ZNF512: variants seen among roughly 807,000 people sequenced by gnomAD.
ZNF512 encodes zinc finger protein 512.
ZNF512 carries 25 observed loss-of-function variants against 77.5 expected under a neutral mutation model. That is an observed-to-expected ratio of 0.32 (90% CI 0.23 to 0.45). The LOEUF (loss-of-function observed/expected upper bound fraction) is 0.45. Among genes scored for constraint, ZNF512 ranks in the 20% least tolerant of loss-of-function variants. The pLI is 1.00. For missense variants in ZNF512, 483 were observed against 692.6 expected (o/e 0.70, Z 3.40); for synonymous variants, 246 against 239.9 (o/e 1.03, Z -0.24).
In ZNF512 at chr2:27,600,077, G is replaced by C. The variant is rs79394642; in HGVS notation, c.457+24G>C. On this transcript the variant is annotated intron_variant, in intron 5 of 13. Coordinates refer to ENST00000355467, the MANE Select transcript of ZNF512 (RefSeq NM_032434.4). Reference sequence around the variant, plus strand: ...AGGTATGTTTTCTTTTGGAAGTTTTGAGGGATGTAGTTCTCACACTCTGAT... The same window carrying C: ...AGGTATGTTTTCTTTTGGAAGTTTTCAGGGATGTAGTTCTCACACTCTGAT... 1,243 of 1,609,386 alleles carry C rather than the reference G, an allele frequency of 7.7e-4. 44 individuals carry two copies. In the East Asian group the frequency reaches 0.027, roughly 36 times the overall value.
chr2:27,618,855 C>CA (rs1160308467), intron 13 of ZNF512, among the ~76,000 whole-genome samples: 15 of 152,154 alleles, frequency 9.9e-5, no homozygotes, highest in African/African-American at 3.4e-4. Flanking sequence ...ATACAATTTG[C>CA]ATTCTCTTGG....
At chr2:27,614,385 T>C (rs1672792233) in intron 10 of ZNF512, among the ~76,000 whole-genome samples, 1 of 152,236 alleles carries the variant, frequency 6.6e-6, no homozygotes, top group African/African-American at 2.4e-5. Context: ...AAGCAGATAT[T>C]ATGTATTCTA....
In ZNF512 at chr2:27,601,426, C is replaced by G; in HGVS notation, c.653C>G (p.Ala218Gly). 1 of 1,613,330 alleles carries G rather than the reference C, an allele frequency of 6.2e-7. No individual in the cohort carries two copies. The highest frequency in any genetic ancestry group is 8.5e-7 in the Non-Finnish European group (1 of 1,179,706). ...GCAGGGATGAAGTATCATGTCATGG[C>G]AAATCATAATAGTTTGGTAAGAGTG... ...SLAGMKYHVM[A>G]NHNSLPILKA... The change falls in exon 7 of 14, where the codon GCA becomes GGA. Residue 218 changes from alanine (A) to glycine (G), a missense_variant. Transcript: ENST00000355467.
chr2:27,603,182 C>G lies in ZNF512; in HGVS notation c.811C>G (p.His271Asp). ...SFTSIMGYLY[H>D]VRKCGKGAAE... ...CACCAGCATCATGGGATATCTCTAC[C>G]ATGTCAGAAAATGTGGCAAAGGGGC... The change falls in exon 9 of 14, where the codon CAT (histidine) becomes GAT (aspartate). Residue 271 changes from histidine (H) to aspartate (D), a missense_variant. This residue lies in a region of ZNF512 where 324 missense variants were observed against 525.0 expected (regional missense o/e 0.62). Transcript: ENST00000355467. The G allele has an allele frequency of 6.2e-7, 1 of 1,614,136 alleles. No individual in the cohort carries two copies. Among genetic ancestry groups the G allele is most frequent in the Non-Finnish European group, 8.5e-7 (1 of 1,180,028 alleles).
Position 27,617,489 on chromosome 2 carries a change from GA to G in ZNF512, c.1317del (p.Lys439AsnfsTer32). The G allele has an allele frequency of 1.4e-6, 2 of 1,460,652 alleles. No homozygotes were observed. Among genetic ancestry groups the G allele is most frequent in the Non-Finnish European group, 1.9e-6 (2 of 1,039,732 alleles). The allele number at this position is 1,460,652 out of a possible 1,614,324, so 90.5% of individuals were successfully genotyped here. A position where few individuals can be genotyped will look rare whatever the true frequency, so the allele number is the denominator to read the frequency against. On this transcript the variant is annotated frameshift_variant, in exon 13 of 14. Transcript: ENST00000355467. LOFTEE classifies it high-confidence loss of function. ...GSCTLGNFVA[G>X]KYKCLLCQKE... is the part of the protein sequence containing the mutation. ...TGGAAATAGGGAAACTTTGTGGCTG[GA>G]AAATACAAATGTCTTCTATGTCAGA... is the stretch of plus-strand genomic sequence containing the variant.
At chr2:27,600,860 A>T (rs1158515681) in intron 6 of ZNF512, 45 bp downstream of exon 6, 8 of 1,595,544 alleles carry the variant, frequency 5.0e-6, no homozygotes, top group Non-Finnish European at 6.8e-6. Flanking sequence ...ATTTTTACCC[A>T]AACTTTAGAC....
At position 27,601,342 on chromosome 2, in the gene ZNF512, AT is replaced by A; in HGVS notation, c.583-9del. The stretch of plus-strand genomic sequence containing the variant: ...GTGGAACAACCTAGCACTGAGCAGT[AT>A]TTTTCCTTCTAGGAAATGTTTACTT... On this transcript the variant is annotated splice_polypyrimidine_tract_variant and intron_variant, in intron 6 of 13. Coordinates refer to ENST00000355467, the MANE Select transcript of ZNF512 (RefSeq NM_032434.4). 1.9e-6 allele frequency: 3 copies of A among 1,609,306 alleles called. No individual in the cohort carries two copies. The highest frequency in any genetic ancestry group is 2.6e-6 in the Non-Finnish European group (3 of 1,175,928).
Position 27,621,550 on chromosome 2 carries a change from C to T in ZNF512, c.*89C>T. On this transcript the variant is annotated 3_prime_UTR_variant, in exon 14 of 14. Coordinates refer to ENST00000355467, the MANE Select transcript of ZNF512 (RefSeq NM_032434.4). ...TGGGAGGACTGAGTGAAGATTCTTTCAGCTGTTTGTGTAAGGCTGTGACTT... is the reference window on the plus strand; with the variant it reads ...TGGGAGGACTGAGTGAAGATTCTTTTAGCTGTTTGTGTAAGGCTGTGACTT... The T allele has an allele frequency of 7.3e-7, 1 of 1,362,122 alleles. No individual in the cohort carries two copies. Among genetic ancestry groups the T allele is most frequent in the Non-Finnish European group, 9.8e-7 (1 of 1,023,532 alleles). The allele number at this position is 1,362,122 out of a possible 1,614,324, so 84.4% of individuals were successfully genotyped here. A position where few individuals can be genotyped will look rare whatever the true frequency, so the allele number is the denominator to read the frequency against.
rs1672204586 is a variant in ZNF512, at chr2:27,603,254, C to G, written c.883C>G (p.Pro295Ala). 1.2e-6 allele frequency: 2 copies of G among 1,613,926 alleles called. No individual in the cohort carries two copies. Among genetic ancestry groups the G allele is most frequent in the Admixed American group, 3.3e-5 (2 of 59,986 alleles). Residue 295 changes from proline (P) to alanine (A), a missense_variant, in exon 9 of 14, where the codon CCA becomes GCA. Around this residue, in one of 2 missense-constraint regions of ZNF512, gnomAD observed 324 missense variants for 525.0 expected, o/e 0.62. Transcript: ENST00000355467. Reference protein sequence around the residue: ...MTLKCHHCGKPYRSKAGLAYH... With the variant: ...MTLKCHHCGKAYRSKAGLAYH... ...CCTGAAATGTCACCACTGTGGAAAA[C>G]CATATAGGTCGAAGGCTGGACTTGC...
chr2:27,615,145 T>C, intron 10 of ZNF512, 23 bp from the exon 11 acceptor site: 1 of 1,451,650 alleles, frequency 6.9e-7, no homozygotes, highest in Non-Finnish European at 9.5e-7. Flanking sequence ...TTATCTAATG[T>C]TTCTGGTTGT....
At chr2:27,619,729 G>T (rs929207572) in intron 13 of ZNF512, among the ~76,000 whole-genome samples, 4 of 151,812 alleles carry the variant, frequency 2.6e-5, no homozygotes, top group African/African-American at 9.7e-5. Flanking sequence ...AATCATCAGT[G>T]TATGGCCAAT....
At chr2:27,600,604 A>G (rs1672076245) in intron 5 of ZNF512, 87 bp from the exon 6 acceptor site, 3 of 1,504,154 alleles carry the variant, frequency 2.0e-6, no homozygotes, top group Non-Finnish European at 1.8e-6. Context: ...AAACCATTTT[A>G]TGATACTTTT....
intron 6 of ZNF512, 67 bp downstream of exon 6, chr2:27,600,882 T>C: frequency 6.4e-7 from 1 of 1,565,950 alleles, no homozygotes; most frequent in Middle Eastern, 1.7e-4. Flanking sequence ...TCTTTTGCTA[T>C]GTTGGATATG....
chr2:27,592,183 A>G (rs1671614787), intron 2 of ZNF512, among the ~76,000 whole-genome samples: 2 of 148,388 alleles, frequency 1.3e-5, no homozygotes, highest in South Asian at 4.3e-4. Flanking sequence ...TAGAGGTAGG[A>G]TTTTGCCATG....
rs1671350186 is a variant in ZNF512 at position 27,586,824 on chromosome 2, T to G, written c.89+3108T>G. On this transcript the variant is annotated intron_variant, in intron 2 of 13. Transcript: ENST00000355467. ...ACAGTGGTTTGCATATTCTAGGATT[T>G]TATATAAATGAAGTCACACAGTATG... Among the ~76,000 whole-genome samples, 11 of 152,344 alleles carry G rather than the reference T, an allele frequency of 7.2e-5. No individual in the cohort carries two copies. In the South Asian group the frequency reaches 2.3e-3, roughly 32 times the overall value.
At chr2:27,588,900 G>T (rs188118487) in intron 2 of ZNF512, among the ~76,000 whole-genome samples, 44 of 152,212 alleles carry the variant, frequency 2.9e-4, no homozygotes, top group Admixed American at 7.9e-4. Flanking sequence ...GCAATGTGTT[G>T]TAGTTTCATT....
At chr2:27,585,956 GT>G (rs1380493244) in intron 2 of ZNF512, among the ~76,000 whole-genome samples, 1 of 152,140 alleles carries the variant, frequency 6.6e-6, no homozygotes, top group Non-Finnish European at 1.5e-5. Flanking sequence ...CTTGAGAATT[GT>G]TTTTGTTGAG....
chr2:27,604,772 C>T (rs948792576), intron 9 of ZNF512, among the ~76,000 whole-genome samples: 1 of 152,170 alleles, frequency 6.6e-6, no homozygotes, highest in Non-Finnish European at 1.5e-5. Flanking sequence ...GAGTGAGACT[C>T]TGTCTCAAAA....
chr2:27,583,795 G>A, intron 2 of ZNF512, 79 bp downstream of exon 2: 1 of 1,512,820 alleles, frequency 6.6e-7, no homozygotes, highest in Non-Finnish European at 9.0e-7. Flanking sequence ...TGATGAAAAT[G>A]TTCTGTATCT....
Sources: allele counts gnomAD v4.1 joint callset (sites outside exome capture counted in the v4.1 genomes callset), GRCh38; gene constraint gnomAD v4.1.1; regional missense constraint gnomAD v4.1.1; transcripts MANE v1.5; gene names NCBI Gene and HGNC (gene_info 2026-07-23, HGNC 2026-07-21).